GRSF1: variants seen among roughly 807,000 people sequenced by gnomAD.
GRSF1 encodes the protein G-rich sequence factor 1.
In GRSF1, 50 loss-of-function variants were observed where a neutral mutation model predicts 51.1. The observed-to-expected ratio is 0.98, with a 90% CI of 0.78 to 1.24. The LOEUF (loss-of-function observed/expected upper bound fraction) is 1.24. GRSF1 is among the 50% of genes most tolerant of loss of function. GRSF1 has a pLI of 0.00. For missense variants in GRSF1, 700 were observed against 639.7 expected (o/e 1.09, Z -1.02); for synonymous variants, 293 against 253.3 (o/e 1.16, Z -1.49).
At chr4:70,821,741 A>T (rs1578291502) in intron 9 of GRSF1, among the ~76,000 whole-genome samples, 1 of 144,204 alleles carries the variant, frequency 6.9e-6, no homozygotes, top group South Asian at 2.2e-4. Context: ...CAGTGGCACC[A>T]TCTCAGTCAC....
At position 70,818,020 on chromosome 4, in the gene GRSF1, G is replaced by T. The variant is rs573575807; in HGVS notation, c.*2867C>A. ...TCCGATAATTTAGGGGAAACTCTCA[G>T]AACAATGGAGTTTTTTGTATTTTGG... On this transcript the variant is annotated 3_prime_UTR_variant, in exon 10 of 10. Transcript: ENST00000254799. The T allele has an allele frequency of 6.6e-6, 1 of 152,214 alleles. No individual in the cohort carries two copies. Among genetic ancestry groups the T allele is most frequent in the Non-Finnish European group, 1.5e-5 (1 of 68,098 alleles). The allele number at this position is 152,214 out of a possible 1,614,324, so 9.4% of individuals were successfully genotyped here.
intron 1 of GRSF1, chr4:70,838,978 A>G (rs1007427551): frequency 9.7e-6 from 4 of 411,852 alleles, no homozygotes; most frequent in African/African-American, 2.1e-5. Context: ...CCTTCCCTAC[A>G]AGCCAGCCCA....
intron 9 of GRSF1, among the ~76,000 whole-genome samples, chr4:70,823,311 C>A (rs1269858363): frequency 1.3e-5 from 2 of 152,036 alleles, no homozygotes; most frequent in Non-Finnish European, 2.9e-5. Flanking sequence ...GCAGGAGAAT[C>A]TCTTGAACCC....
chr4:70,820,410 A>G lies in GRSF1; in HGVS notation c.*477T>C, dbSNP rs1339795793. The G allele has an allele frequency of 6.6e-6, 1 of 152,568 alleles. No individual in the cohort carries two copies. 9.5% of individuals were successfully genotyped at this position (152,568 alleles called of 1,614,324 possible). ...AACCATACCAGTTCAAAGGTCTGAA[A>G]CCGTTCTTTGCTTTGGTGAATGTTT... On this transcript the variant is annotated 3_prime_UTR_variant, in exon 10 of 10. Coordinates refer to ENST00000254799, the MANE Select transcript of GRSF1 (RefSeq NM_002092.4).
intron 5 of GRSF1, among the ~76,000 whole-genome samples, chr4:70,828,559 C>G (rs1007540153): frequency 6.6e-6 from 1 of 151,584 alleles, no homozygotes; most frequent in African/African-American, 2.4e-5. Context: ...CTATTAAACC[C>G]AAGCTTCTGG....
chr4:70,827,786 A>AT, intron 6 of GRSF1, 66 bp downstream of exon 6: 3 of 1,255,820 alleles, frequency 2.4e-6, no homozygotes, highest in Non-Finnish European at 3.4e-6. Flanking sequence ...TCAAAAAAAA[A>AT]AAAATCACAA....
rs556400156 is a variant in GRSF1, at chr4:70,830,420, G to C, written c.950+1119C>G. 3.0e-4 allele frequency among the ~76,000 whole-genome samples: 45 copies of C among 149,242 alleles called. 1 individual carries two copies. In the South Asian group the frequency reaches 9.6e-3, roughly 32 times the overall value. ...TCATCATGCCACTGCACTCCAGCCT[G>C]GGTGACAGAATAAGACCCTGTGTCT... On this transcript the variant is annotated intron_variant, in intron 5 of 9. Coordinates refer to ENST00000254799, the MANE Select transcript of GRSF1 (RefSeq NM_002092.4).
chr4:70,821,095 T>G (rs1560592307), intron 9 of GRSF1, among the ~76,000 whole-genome samples: 1 of 152,302 alleles, frequency 6.6e-6, no homozygotes, highest in East Asian at 1.9e-4. Flanking sequence ...TTATAAATAT[T>G]TAACACCAAA....
chr4:70,835,414 G>A (rs376907800), intron 2 of GRSF1, among the ~76,000 whole-genome samples: 1 of 146,048 alleles, frequency 6.8e-6, no homozygotes. Context: ...TGGCGACAGA[G>A]CGAGACTCCG....
chr4:70,838,887 T>C (rs2148848799), intron 1 of GRSF1: 1 of 327,674 alleles, frequency 3.1e-6, no homozygotes, highest in South Asian at 2.5e-5. Context: ...TGAGTGGAGT[T>C]GCAGAGGTGA....
At position 70,818,264 on chromosome 4, in the gene GRSF1, G is replaced by A. The variant is rs192400687; in HGVS notation, c.*2623C>T. 1 of 152,164 alleles carries A rather than the reference G, an allele frequency of 6.6e-6. No individual in the cohort carries two copies. The highest frequency in any genetic ancestry group is 1.5e-5 in the Non-Finnish European group (1 of 68,046). 9.4% of individuals were successfully genotyped at this position (152,164 alleles called of 1,614,324 possible). On this transcript the variant is annotated 3_prime_UTR_variant, in exon 10 of 10. Transcript: ENST00000254799. ...TTGGCCAGGCTAATCTTGAACTCCT[G>A]ACCTCAAGTGACCCACCATGGAGGG... is the stretch of plus-strand genomic sequence containing the variant.
chr4:70,832,951 C>T (rs752810941), intron 3 of GRSF1, among the ~76,000 whole-genome samples, 167 bp downstream of exon 3: 2 of 151,670 alleles, frequency 1.3e-5, no homozygotes, highest in Non-Finnish European at 2.9e-5. Flanking sequence ...CCATCCCCCC[C>T]ACAAAAAAAA....
upstream of GRSF1, among the ~76,000 whole-genome samples, chr4:70,840,248 G>GCGGGGC (rs1734418681): frequency 1.3e-5 from 2 of 152,092 alleles, no homozygotes; most frequent in African/African-American, 4.8e-5. Flanking sequence ...CATGGTTTGG[G>GCGGGGC]CGGGGCCCGG....
At position 70,827,885 on chromosome 4, in the gene GRSF1, G is replaced by C. The variant is rs1012849014; in HGVS notation, c.1102C>G (p.Pro368Ala). The C allele has an allele frequency of 6.2e-7, 1 of 1,612,980 alleles. No homozygotes were observed. Among genetic ancestry groups the C allele is most frequent in the African/African-American group, 1.3e-5 (1 of 74,896 alleles). ...EEHEVNEDIQ[P>A]MTAFESEKEI... ...TTCTCACTTTCAAAAGCTGTCATGG[G>C]TTGAATATCCTCATTTACTTCATGT... The change falls in exon 6 of 10, where the codon CCC (proline) becomes GCC (alanine). Residue 368 changes from proline to alanine, a missense_variant. Transcript: ENST00000254799.
At chr4:70,823,481 CTTTT>C (rs58887177) in intron 9 of GRSF1, among the ~76,000 whole-genome samples, 4 of 135,982 alleles carry the variant, frequency 2.9e-5, no homozygotes, top group East Asian at 4.2e-4. Flanking sequence ...GCAGAATTTT[CTTTT>C]TTTTTTTTTG....
At position 70,839,130 on chromosome 4, in the gene GRSF1, A is replaced by T. The variant is rs995474368; in HGVS notation, c.357+341T>A. ...GCAACTTCACAACCAGCCGGCGGAA[A>T]GCAAGAAGATGCGAGGTGGGGGCGT... is the stretch of plus-strand genomic sequence containing the variant. On this transcript the variant is annotated intron_variant, in intron 1 of 9. Transcript: ENST00000254799. The T allele has an allele frequency of 7.7e-6, 10 of 1,305,610 alleles. No homozygotes were observed. The African/African-American group carries it at 1.4e-4, about 18-fold the overall frequency. 80.9% of individuals were successfully genotyped at this position (1,305,610 alleles called of 1,614,324 possible). A position where few individuals can be genotyped will look rare whatever the true frequency, so the allele number is the denominator to read the frequency against.
intron 1 of GRSF1, 85 bp from the exon 2 acceptor site, chr4:70,836,399 C>T: frequency 1.0e-6 from 1 of 982,632 alleles, no homozygotes; most frequent in Non-Finnish European, 1.5e-6. Flanking sequence ...GTTTATTCTA[C>T]AAACTAACAT....
intron 1 of GRSF1, chr4:70,839,179 T>A (rs747990014): frequency 3.6e-6 from 5 of 1,371,754 alleles, no homozygotes; most frequent in Non-Finnish European, 4.8e-6. Context: ...AAACCTACCA[T>A]GGGCCAGGCG....
chr4:70,826,573 C>T lies in GRSF1; in HGVS notation c.1136-328G>A, dbSNP rs187923851. Among the ~76,000 whole-genome samples, 723 of 149,538 alleles carry T rather than the reference C, an allele frequency of 4.8e-3. 3 individuals are homozygous for T. Among genetic ancestry groups the T allele is most frequent in the Non-Finnish European group, 6.2e-3 (417 of 67,668 alleles). On this transcript the variant is annotated intron_variant, in intron 6 of 9. Coordinates refer to ENST00000254799, the MANE Select transcript of GRSF1 (RefSeq NM_002092.4). Reference sequence around the variant, plus strand: ...AAAGAACAAAGGCTGGGCGTGGTAGCTCACACTTGTAATCCCAACACTTTG... The same window carrying T: ...AAAGAACAAAGGCTGGGCGTGGTAGTTCACACTTGTAATCCCAACACTTTG...
Sources: gnomAD v4.1 joint callset for allele counts (sites outside exome capture counted in the v4.1 genomes callset) on GRCh38, gnomAD v4.1.1 for gene constraint, MANE v1.5 for transcripts, NCBI Gene and HGNC (gene_info 2026-07-23, HGNC 2026-07-21) for gene names.